Variants in ETF1 observed in about 807,000 individuals in gnomAD.
ETF1 encodes the protein eukaryotic peptide chain release factor subunit 1.
Under a neutral mutation model 55.1 loss-of-function variants are expected in ETF1, and 4 were observed. The ratio of observed to expected loss-of-function variants is 0.07; its 90% CI spans 0.04 to 0.17. ETF1 has a LOEUF of 0.17. Ranked by LOEUF, ETF1 falls within the 10% of genes least tolerant of loss-of-function variation. ETF1 has a pLI of 1.00. For synonymous variants in ETF1, 157 were observed against 182.3 expected (o/e 0.86, Z 1.12); for missense variants, 142 against 523.6 (o/e 0.27, Z 7.11).
intron 2 of ETF1, among the ~76,000 whole-genome samples, chr5:138,536,802 G>T (rs562735851): frequency 2.6e-5 from 4 of 152,278 alleles, no homozygotes; most frequent in South Asian, 2.1e-4. Context: ...TCCCAGGACA[G>T]GGGGTGGTGC....
chr5:138,518,985 T>A, intron 2 of ETF1, 118 bp from the exon 3 acceptor site: 1 of 1,519,514 alleles, frequency 6.6e-7, no homozygotes, highest in Admixed American at 2.1e-5. Context: ...CAGGTCACTC[T>A]CAAAGGAGTA....
chr5:138,542,645 G>A (rs1263281199), intron 2 of ETF1, 188 bp downstream of exon 2: 1 of 1,429,024 alleles, frequency 7.0e-7, no homozygotes, highest in Non-Finnish European at 9.1e-7. Flanking sequence ...CCCATGCGGG[G>A]AAAGGACCCC....
intron 2 of ETF1, among the ~76,000 whole-genome samples, chr5:138,530,030 G>A (rs577742326): frequency 1.9e-4 from 29 of 152,202 alleles, no homozygotes; most frequent in African/African-American, 6.7e-4. Flanking sequence ...AGGCGCAAGC[G>A]ACCGTGCCCG....
chr5:138,523,006 AAAAC>A (rs145234315), intron 2 of ETF1, among the ~76,000 whole-genome samples: 65,442 of 150,806 alleles, frequency 0.43, 15,834 homozygotes, highest in Non-Finnish European at 0.53. Context: ...ACTCCATCTC[AAAAC>A]AAACAAACAA....
intron 2 of ETF1, chr5:138,519,230 G>A: frequency 1.0e-6 from 1 of 982,840 alleles, no homozygotes; most frequent in African/African-American, 1.7e-5. Context: ...CTTCAAATGT[G>A]GTGGTTGAGT....
At chr5:138,535,485 C>T (rs1373718952) in intron 2 of ETF1, among the ~76,000 whole-genome samples, 3 of 151,374 alleles carry the variant, frequency 2.0e-5, no homozygotes, top group Admixed American at 6.6e-5. Flanking sequence ...TTTGGGAGGC[C>T]GAGGCGGGCG....
chr5:138,529,797 G>C (rs1765620209), intron 2 of ETF1: 1 of 779,926 alleles, frequency 1.3e-6, no homozygotes. Context: ...CTGTCACCCA[G>C]ACTGGAGTGC....
At chr5:138,532,541 G>A (rs745773968) in intron 2 of ETF1, among the ~76,000 whole-genome samples, 2 of 152,210 alleles carry the variant, frequency 1.3e-5, no homozygotes, top group Non-Finnish European at 2.9e-5. Context: ...AGTAGTACCA[G>A]TTGGAAAGAA....
chr5:138,512,985 C>T, intron 5 of ETF1, 31 bp from the exon 6 acceptor site: 9 of 1,483,306 alleles, frequency 6.1e-6, no homozygotes, highest in East Asian at 2.7e-5. Flanking sequence ...GAGAAAAAGG[C>T]AATTATTAAG....
At chr5:138,515,250 A>C (rs1178167225) in intron 4 of ETF1, among the ~76,000 whole-genome samples, 1 of 152,104 alleles carries the variant, frequency 6.6e-6, no homozygotes, top group Non-Finnish European at 1.5e-5. Context: ...AACATGGTGA[A>C]ATCTCATCTA....
intron 2 of ETF1, among the ~76,000 whole-genome samples, chr5:138,521,777 G>A (rs569774419): frequency 1.3e-3 from 199 of 152,260 alleles, no homozygotes; most frequent in African/African-American, 4.5e-3. Context: ...TGATCCCCCT[G>A]CCTCAGCCTC....
chr5:138,525,489 A>G (rs1179333526), intron 2 of ETF1, among the ~76,000 whole-genome samples: 1 of 151,988 alleles, frequency 6.6e-6, no homozygotes, highest in Non-Finnish European at 1.5e-5. Context: ...GCAGCAGTAT[A>G]AACAGAATCA....
At chr5:138,527,236 A>T (rs1375658626) in intron 2 of ETF1, among the ~76,000 whole-genome samples, 1 of 152,182 alleles carries the variant, frequency 6.6e-6, no homozygotes, top group Non-Finnish European at 1.5e-5. Context: ...TACATATCCA[A>T]AAATCAGAAT....
chr5:138,513,751 G>C, intron 4 of ETF1, 45 bp from the exon 5 acceptor site: 4 of 1,565,378 alleles, frequency 2.6e-6, no homozygotes, highest in Non-Finnish European at 3.5e-6. Flanking sequence ...CCAAAGCTTT[G>C]CTAAGGTCAA....
intron 2 of ETF1, 180 bp from the exon 3 acceptor site, chr5:138,519,047 C>T: frequency 4.1e-6 from 4 of 983,854 alleles, no homozygotes; most frequent in Non-Finnish European, 4.8e-6. Flanking sequence ...GAGTTAGGAA[C>T]AGTGTTCAGA....
At chr5:138,527,337 G>C (rs1051491543) in intron 2 of ETF1, among the ~76,000 whole-genome samples, 6 of 152,192 alleles carry the variant, frequency 3.9e-5, no homozygotes, top group African/African-American at 1.4e-4. Flanking sequence ...CAGTACACAG[G>C]ACAGTATGGT....
At chr5:138,527,621 C>T (rs1765528599) in intron 2 of ETF1, among the ~76,000 whole-genome samples, 1 of 152,186 alleles carries the variant, frequency 6.6e-6, no homozygotes, top group South Asian at 2.1e-4. Flanking sequence ...CTGTAGGTGC[C>T]ACCTACCTGA....
intron 2 of ETF1, among the ~76,000 whole-genome samples, chr5:138,523,070 A>T (rs1213028747): frequency 6.6e-6 from 1 of 150,948 alleles, no homozygotes; most frequent in Non-Finnish European, 1.5e-5. Flanking sequence ...AACTGTCACA[A>T]AAGAACACAT....
At chr5:138,527,904 C>T (rs541933901) in intron 2 of ETF1, among the ~76,000 whole-genome samples, 18 of 152,154 alleles carry the variant, frequency 1.2e-4, no homozygotes, top group African/African-American at 4.1e-4. Flanking sequence ...TCCTGAGTAG[C>T]TGGGGTTTCA....
Sources: gnomAD v4.1 joint callset for allele counts (sites outside exome capture counted in the v4.1 genomes callset) on GRCh38, gnomAD v4.1.1 for gene constraint, MANE v1.5 for transcripts, NCBI Gene and HGNC (gene_info 2026-07-23, HGNC 2026-07-21) for gene names.